TENM4: variants seen among roughly 807,000 people sequenced by gnomAD.
TENM4 encodes teneurin transmembrane protein 4, also known as teneurin-4.
In TENM4, 82 loss-of-function variants were observed where a neutral mutation model predicts 243.3. The ratio of observed to expected loss-of-function variants is 0.34; its 90% CI spans 0.28 to 0.40. TENM4 has a LOEUF of 0.40. TENM4 is among the 10% of genes least tolerant of loss of function. TENM4 has a pLI of 1.00. For missense variants in TENM4, 3,138 were observed against 3,673.3 expected (o/e 0.85, Z 3.77); for synonymous variants, 1,412 against 1,456.3 (o/e 0.97, Z 0.69).
At chr11:79,427,320 T>C (rs981259475) in intron 1 of TENM4, among the ~76,000 whole-genome samples, 7 of 152,248 alleles carry the variant, frequency 4.6e-5, no homozygotes, top group African/African-American at 1.2e-4. Flanking sequence ...TACATGAAAA[T>C]GTTGATCTCA....
intron 12 of TENM4, among the ~76,000 whole-genome samples, chr11:78,826,076 C>CTTT (rs59565048): frequency 2.2e-4 from 25 of 115,406 alleles, no homozygotes; most frequent in African/African-American, 4.9e-4. Flanking sequence ...AATCCCCCTC[C>CTTT]TTTTTTTTTT....
intron 17 of TENM4, among the ~76,000 whole-genome samples, chr11:78,774,980 C>G (rs1196423054): frequency 1.3e-5 from 2 of 152,202 alleles, no homozygotes; most frequent in Non-Finnish European, 2.9e-5. Context: ...ACAAACCATA[C>G]TTCTGAAAGT....
chr11:78,886,161 CCAGT>C (rs1230854946), intron 9 of TENM4, among the ~76,000 whole-genome samples: 1 of 151,908 alleles, frequency 6.6e-6, no homozygotes, highest in East Asian at 1.9e-4. Context: ...ATTAGTAAAC[CCAGT>C]CAGACTCACT....
intron 2 of TENM4, among the ~76,000 whole-genome samples, chr11:79,292,696 C>A (rs905229779): frequency 6.6e-6 from 1 of 152,238 alleles, no homozygotes; most frequent in Non-Finnish European, 1.5e-5. Context: ...AAGCACCAAG[C>A]TTTCATGTCA....
At chr11:78,953,818 C>T (rs1403135173) in intron 6 of TENM4, among the ~76,000 whole-genome samples, 2 of 151,930 alleles carry the variant, frequency 1.3e-5, no homozygotes, top group South Asian at 2.1e-4. Flanking sequence ...GGAACCAATC[C>T]CCTGTGGATC....
At position 78,676,342 on chromosome 11, in the gene TENM4, C is replaced by A; in HGVS notation, c.5306G>T (p.Arg1769Leu). Residue 1769 changes from arginine to leucine, a missense_variant, in exon 30 of 34, where the codon CGG becomes CTG. Transcript: ENST00000278550. ...SYYIGADGSLRLLLANGMEVA... is the reference protein window; with the variant it reads ...SYYIGADGSLLLLLANGMEVA... ...CTCCATGCCGTTGGCCAGCAGCAGC[C>A]GCAAGGAGCCATCGGCCCCGATGTA... 2.5e-6 allele frequency: 4 copies of A among 1,609,206 alleles called. No individual in the cohort carries two copies. The highest frequency in any genetic ancestry group is 2.6e-6 in the Non-Finnish European group (3 of 1,176,064).
At chr11:78,913,307 C>T (rs773100674) in intron 6 of TENM4, among the ~76,000 whole-genome samples, 1 of 152,082 alleles carries the variant, frequency 6.6e-6, no homozygotes, top group Non-Finnish European at 1.5e-5. Context: ...ATGGATTAGA[C>T]AAAGTTTCTG....
chr11:79,181,786 T>A (rs1024337069), intron 3 of TENM4, among the ~76,000 whole-genome samples: 7 of 151,702 alleles, frequency 4.6e-5, no homozygotes, highest in Non-Finnish European at 7.4e-5. Flanking sequence ...CAAAAGTCAA[T>A]CACTTTCCTA....
At chr11:79,148,473 C>T (rs1862434584) in intron 4 of TENM4, among the ~76,000 whole-genome samples, 2 of 152,044 alleles carry the variant, frequency 1.3e-5, no homozygotes, top group South Asian at 2.1e-4. Context: ...ACCTCTAAAA[C>T]CCTTTTATCT....
At chr11:79,354,848 C>A (rs2135483392) in intron 1 of TENM4, among the ~76,000 whole-genome samples, 1 of 152,208 alleles carries the variant, frequency 6.6e-6, no homozygotes, top group Admixed American at 6.5e-5. Flanking sequence ...TTAAGTCTAT[C>A]CTAAAGATAA....
chr11:78,685,530 G>C (rs555483946), intron 29 of TENM4, among the ~76,000 whole-genome samples: 1 of 152,120 alleles, frequency 6.6e-6, no homozygotes, highest in South Asian at 2.1e-4. Context: ...ATGTGTCCAC[G>C]TATGCCTTTT....
chr11:79,163,506 C>G (rs1437479603), intron 3 of TENM4, among the ~76,000 whole-genome samples: 2 of 151,878 alleles, frequency 1.3e-5, no homozygotes, highest in East Asian at 3.9e-4. Flanking sequence ...GCAGTGCACC[C>G]TATACCCAAT....
intron 1 of TENM4, among the ~76,000 whole-genome samples, chr11:79,346,930 T>C (rs1053917483): frequency 6.6e-6 from 1 of 152,206 alleles, no homozygotes; most frequent in Non-Finnish European, 1.5e-5. Context: ...CCTGATCTCA[T>C]GGTTCGGGGT....
chr11:78,953,992 A>T (rs1481247037), intron 6 of TENM4, among the ~76,000 whole-genome samples: 1 of 152,236 alleles, frequency 6.6e-6, no homozygotes, highest in African/African-American at 2.4e-5. Flanking sequence ...TTCTGGCTTC[A>T]GTCCTTTTAG....
chr11:78,883,474 C>T (rs1354301906), intron 9 of TENM4, among the ~76,000 whole-genome samples: 12 of 152,190 alleles, frequency 7.9e-5, no homozygotes, highest in Admixed American at 2.0e-4. Flanking sequence ...CAGAAAATGG[C>T]GCCACTGCCC....
intron 2 of TENM4, among the ~76,000 whole-genome samples, chr11:79,252,734 C>T (rs1298558734): frequency 6.6e-6 from 1 of 152,174 alleles, no homozygotes; most frequent in Non-Finnish European, 1.5e-5. Flanking sequence ...TGACCTCTCC[C>T]TTCTGCTGCC....
chr11:79,116,300 A>G (rs1009786676), intron 4 of TENM4, among the ~76,000 whole-genome samples: 1 of 152,234 alleles, frequency 6.6e-6, no homozygotes, highest in Non-Finnish European at 1.5e-5. Flanking sequence ...ACAGATGAAG[A>G]AAATGAGTCT....
chr11:79,377,907 G>T (rs1418592720), intron 1 of TENM4, among the ~76,000 whole-genome samples: 1 of 152,116 alleles, frequency 6.6e-6, no homozygotes, highest in Non-Finnish European at 1.5e-5. Flanking sequence ...TCTGCCAAGG[G>T]CACCTTTCCC....
intron 1 of TENM4, among the ~76,000 whole-genome samples, chr11:79,366,577 T>C (rs1267853937): frequency 6.6e-6 from 1 of 152,222 alleles, no homozygotes. Context: ...GAGCAATTCA[T>C]GGAGTTCCAA....
Sources: gnomAD v4.1 joint callset for allele counts (sites outside exome capture counted in the v4.1 genomes callset) on GRCh38, gnomAD v4.1.1 for gene constraint, MANE v1.5 for transcripts, NCBI Gene and HGNC (gene_info 2026-07-23, HGNC 2026-07-21) for gene names.